Variants in UNC5D observed in about 807,000 individuals in gnomAD.
UNC5D encodes the protein netrin receptor UNC5D.
In UNC5D, 39 loss-of-function variants were observed where a neutral mutation model predicts 105.4. The observed-to-expected ratio is 0.37, with a 90% CI of 0.29 to 0.48. UNC5D has a LOEUF of 0.48. Ranked by LOEUF, UNC5D falls within the 20% of genes least tolerant of loss-of-function variation. UNC5D has a pLI of 0.98. For missense variants in UNC5D, 991 were observed against 1,202.4 expected, an observed-to-expected ratio of 0.82 and a Z score of 2.60; for synonymous variants, 452 against 450.4, an observed-to-expected ratio of 1.00 and a Z score of -0.04.
chr8:35,668,765 G>A (rs1024780403), intron 4 of UNC5D, among the ~76,000 whole-genome samples: 1 of 152,056 alleles, frequency 6.6e-6, no homozygotes, highest in African/African-American at 2.4e-5. Flanking sequence ...AAAGACGAGT[G>A]GAATCCTTTA....
chr8:35,508,421 A>G (rs1366341016), intron 1 of UNC5D, among the ~76,000 whole-genome samples: 1 of 152,186 alleles, frequency 6.6e-6, no homozygotes, highest in Non-Finnish European at 1.5e-5. Context: ...GATCACTGGG[A>G]GTTTCCTAAG....
chr8:35,358,848 AT>A (rs1801702849), intron 1 of UNC5D, among the ~76,000 whole-genome samples: 2 of 152,238 alleles, frequency 1.3e-5, no homozygotes, highest in Non-Finnish European at 1.5e-5. Context: ...CTAGTACTGT[AT>A]TTTTTGGTAT....
chr8:35,735,931 G>C (rs1449093906), intron 11 of UNC5D, among the ~76,000 whole-genome samples: 2 of 152,298 alleles, frequency 1.3e-5, no homozygotes, highest in East Asian at 3.9e-4. Context: ...TTATCAATGA[G>C]ATTAAAAGAT....
chr8:35,547,024 G>A (rs34991168), intron 1 of UNC5D, among the ~76,000 whole-genome samples: 10,033 of 152,164 alleles, frequency 0.066, 406 homozygotes, highest in Non-Finnish European at 0.087. Flanking sequence ...TAAACTCTGT[G>A]TTATGTGAGG....
chr8:35,693,324 G>GT (rs1280908743), intron 7 of UNC5D, among the ~76,000 whole-genome samples: 1 of 152,072 alleles, frequency 6.6e-6, no homozygotes, highest in Non-Finnish European at 1.5e-5. Context: ...ACAAATTACC[G>GT]TAACGCTTCT....
At chr8:35,485,687 C>T (rs1459283445) in intron 1 of UNC5D, among the ~76,000 whole-genome samples, 1 of 152,154 alleles carries the variant, frequency 6.6e-6, no homozygotes, top group Non-Finnish European at 1.5e-5. Context: ...TCAGACTCTG[C>T]TTGTCAATCC....
intron 4 of UNC5D, among the ~76,000 whole-genome samples, chr8:35,616,398 G>C (rs1821027210): frequency 6.6e-6 from 1 of 152,238 alleles, no homozygotes; most frequent in African/African-American, 2.4e-5. Context: ...TGGCATTTAT[G>C]AATGTGTGTG....
chr8:35,746,017 C>T (rs906903801), intron 11 of UNC5D, among the ~76,000 whole-genome samples: 1 of 151,840 alleles, frequency 6.6e-6, no homozygotes, highest in East Asian at 1.9e-4. Flanking sequence ...AGGCTTCTCT[C>T]CCCAGCCCTC....
intron 3 of UNC5D, among the ~76,000 whole-genome samples, chr8:35,594,297 G>A (rs376663615): frequency 5.9e-5 from 9 of 152,204 alleles, no homozygotes; most frequent in African/African-American, 1.2e-4. Flanking sequence ...ATGGCTTGCC[G>A]TGCTTGTTAT....
intron 4 of UNC5D, among the ~76,000 whole-genome samples, chr8:35,658,296 G>T (rs936675357): frequency 6.6e-6 from 1 of 152,076 alleles, no homozygotes; most frequent in Admixed American, 6.5e-5. Context: ...TTCATGAATG[G>T]CATCAATTTA....
At chr8:35,561,938 C>G (rs1209554137) in intron 2 of UNC5D, among the ~76,000 whole-genome samples, 1 of 152,144 alleles carries the variant, frequency 6.6e-6, no homozygotes, top group Non-Finnish European at 1.5e-5. Context: ...TTATCGTTAA[C>G]TAGTCACTGT....
At chr8:35,468,789 A>C (rs1288558108) in intron 1 of UNC5D, among the ~76,000 whole-genome samples, 1 of 152,102 alleles carries the variant, frequency 6.6e-6, no homozygotes, top group Non-Finnish European at 1.5e-5. Context: ...GTCATTGAAA[A>C]CACCTCCTGG....
intron 4 of UNC5D, among the ~76,000 whole-genome samples, chr8:35,600,730 T>A (rs1340212843): frequency 2.0e-5 from 3 of 152,222 alleles, no homozygotes; most frequent in African/African-American, 7.2e-5. Context: ...TTGCAAAAAT[T>A]GTCTCCCATT....
At chr8:35,529,235 A>C (rs1814138364) in intron 1 of UNC5D, among the ~76,000 whole-genome samples, 1 of 96,562 alleles carries the variant, frequency 1.0e-5, no homozygotes, top group Admixed American at 1.1e-4. Flanking sequence ...GTAAGGTGTA[A>C]GGAAGGGATC....
chr8:35,604,687 G>A (rs1265985086), intron 4 of UNC5D, among the ~76,000 whole-genome samples: 5 of 152,286 alleles, frequency 3.3e-5, no homozygotes, highest in Admixed American at 3.3e-4. Context: ...ATACCAATTA[G>A]ACGTAGATTT....
In UNC5D at chr8:35,568,249, C is replaced by T. The variant is rs1817488620; in HGVS notation, c.466+8C>T. 6.2e-7 allele frequency: 1 copy of T among 1,612,804 alleles called. No individual in the cohort carries two copies. Among genetic ancestry groups the T allele is most frequent in the African/African-American group, 1.3e-5 (1 of 74,902 alleles). Reference sequence around the variant, plus strand: ...CCTCTGTGCGCATAGCCTGTAAGTACATTCTGGGTGACCTTGTCTTGTAGG... The same window carrying T: ...CCTCTGTGCGCATAGCCTGTAAGTATATTCTGGGTGACCTTGTCTTGTAGG... On this transcript the variant is annotated splice_region_variant and intron_variant, in intron 3 of 16. Transcript: ENST00000404895.
intron 3 of UNC5D, among the ~76,000 whole-genome samples, chr8:35,583,846 A>G (rs1029181638): frequency 7.2e-5 from 11 of 152,216 alleles, no homozygotes; most frequent in African/African-American, 2.7e-4. Context: ...CAATATGCAG[A>G]AATTGCCTTC....
rs1358238369 is a variant in UNC5D at position 35,793,281 on chromosome 8, A to G, written c.*2718A>G. 1.0e-5 allele frequency: 4 copies of G among 388,226 alleles called. No homozygotes were observed. Among genetic ancestry groups the G allele is most frequent in the Non-Finnish European group, 2.0e-5 (4 of 195,298 alleles). 24.0% of individuals were successfully genotyped at this position (388,226 alleles called of 1,614,324 possible). On this transcript the variant is annotated 3_prime_UTR_variant, in exon 17 of 17. Transcript: ENST00000404895. Reference sequence around the variant, plus strand: ...GACCAAGGTGTGGTGGAGGAGGTAGAATTGCAGATCAGATAAAAAGTGAGC... The same window carrying G: ...GACCAAGGTGTGGTGGAGGAGGTAGGATTGCAGATCAGATAAAAAGTGAGC...
At chr8:35,756,034 A>G (rs1247038425) in intron 13 of UNC5D, among the ~76,000 whole-genome samples, 1 of 152,146 alleles carries the variant, frequency 6.6e-6, no homozygotes, top group East Asian at 1.9e-4. Flanking sequence ...TGTTAAGTGC[A>G]ATCCACTGTA....
Sources: allele counts gnomAD v4.1 joint callset (sites outside exome capture counted in the v4.1 genomes callset), GRCh38; gene constraint gnomAD v4.1.1; transcripts MANE v1.5; gene names NCBI Gene and HGNC (gene_info 2026-07-23, HGNC 2026-07-21).